The following SPOCK3 variants were observed in gnomAD, a reference collection of about 807,000 sequenced individuals.
SPOCK3 encodes the protein testican-3.
SPOCK3 carries 30 observed loss-of-function variants against 56.6 expected under a neutral mutation model. The ratio of observed to expected loss-of-function variants is 0.53; its 90% CI spans 0.40 to 0.72. The LOEUF (loss-of-function observed/expected upper bound fraction) is 0.72, where lower values mean the gene tolerates loss of function less well. Ranked by LOEUF, SPOCK3 falls within the 30% of genes least tolerant of loss-of-function variation. SPOCK3 has a pLI of 0.00. For synonymous variants in SPOCK3, 196 were observed against 183.3 expected (o/e 1.07, Z -0.56); for missense variants, 527 against 530.0 (o/e 0.99, Z 0.06).
At chr4:166,775,340 T>C (rs750782640) in intron 7 of SPOCK3, among the ~76,000 whole-genome samples, 9 of 152,176 alleles carry the variant, frequency 5.9e-5, no homozygotes, top group Non-Finnish European at 1.0e-4. Context: ...CTGCTTCTTT[T>C]TTCTCAAGGA....
At chr4:167,162,125 A>C (rs72699679) in intron 2 of SPOCK3, among the ~76,000 whole-genome samples, 7,480 of 152,112 alleles carry the variant, frequency 0.049, 217 homozygotes, top group Admixed American at 0.075. Flanking sequence ...ACATTAGGTC[A>C]TACCCTTTTG....
chr4:167,194,022 AT>A (rs1732703912), intron 2 of SPOCK3, among the ~76,000 whole-genome samples: 1 of 152,078 alleles, frequency 6.6e-6, no homozygotes, highest in Admixed American at 6.6e-5. Flanking sequence ...TTGGTATCCG[AT>A]AGGTCCAGTA....
intron 7 of SPOCK3, among the ~76,000 whole-genome samples, chr4:166,767,167 G>T (rs1738205901): frequency 6.6e-6 from 1 of 151,912 alleles, no homozygotes; most frequent in African/African-American, 2.4e-5. Context: ...TTTTTGAAGG[G>T]TTTTTTGTGT....
chr4:167,162,949 G>C (rs1765443953), intron 2 of SPOCK3, among the ~76,000 whole-genome samples: 1 of 151,592 alleles, frequency 6.6e-6, no homozygotes, highest in South Asian at 2.1e-4. Flanking sequence ...TTCATTCTCT[G>C]GGTGGTTAGT....
intron 6 of SPOCK3, among the ~76,000 whole-genome samples, chr4:166,811,329 A>G (rs543979693): frequency 1.3e-5 from 2 of 150,688 alleles, no homozygotes; most frequent in South Asian, 4.2e-4. Context: ...TTTTTTTTAC[A>G]TCTAAAGTTT....
intron 3 of SPOCK3, among the ~76,000 whole-genome samples, chr4:167,017,340 A>T (rs1024071167): frequency 6.6e-6 from 1 of 152,106 alleles, no homozygotes; most frequent in Non-Finnish European, 1.5e-5. Flanking sequence ...TGCTCAGTCA[A>T]AAGGAAATCT....
chr4:167,031,523 G>C (rs1434990429), intron 3 of SPOCK3, among the ~76,000 whole-genome samples: 2 of 151,902 alleles, frequency 1.3e-5, no homozygotes, highest in African/African-American at 4.8e-5. Flanking sequence ...ACAAGAAAAA[G>C]GCACACTGTT....
chr4:166,952,187 T>C (rs915291281), intron 4 of SPOCK3, among the ~76,000 whole-genome samples: 10 of 152,130 alleles, frequency 6.6e-5, no homozygotes, highest in Non-Finnish European at 1.0e-4. Flanking sequence ...GAAATCCCCA[T>C]TGTCTCAGCC....
intron 7 of SPOCK3, among the ~76,000 whole-genome samples, chr4:166,765,536 A>G (rs1314814966): frequency 6.6e-5 from 10 of 152,072 alleles, no homozygotes; most frequent in Non-Finnish European, 1.2e-4. Context: ...GTTCTGTTCC[A>G]TTGGTCTATA....
At chr4:167,095,583 A>G (rs1759082474) in intron 2 of SPOCK3, among the ~76,000 whole-genome samples, 1 of 152,032 alleles carries the variant, frequency 6.6e-6, no homozygotes. Flanking sequence ...AGAGAGAGAA[A>G]GAAGAAGTTA....
At chr4:166,742,902 T>C (rs1735045393) in intron 8 of SPOCK3, among the ~76,000 whole-genome samples, 1 of 152,110 alleles carries the variant, frequency 6.6e-6, no homozygotes, top group Non-Finnish European at 1.5e-5. Flanking sequence ...TCTGCATTTA[T>C]AGATTCAACC....
At chr4:166,746,580 G>C (rs1211104390) in intron 8 of SPOCK3, among the ~76,000 whole-genome samples, 1 of 151,980 alleles carries the variant, frequency 6.6e-6, no homozygotes, top group Admixed American at 6.6e-5. Context: ...AAGAACTAGA[G>C]AGGCAAGAGC....
intron 4 of SPOCK3, among the ~76,000 whole-genome samples, chr4:166,955,635 TATTAA>T (rs1681447769): frequency 6.8e-6 from 1 of 146,562 alleles, no homozygotes; most frequent in Non-Finnish European, 1.5e-5. Context: ...AATTTAATTA[TATTAA>T]ATTTAATTAT....
chr4:166,945,813 G>A (rs1741656842), intron 4 of SPOCK3, among the ~76,000 whole-genome samples: 1 of 152,106 alleles, frequency 6.6e-6, no homozygotes, highest in Non-Finnish European at 1.5e-5. Context: ...GATCACACAG[G>A]TGTAGTTTTC....
chr4:167,205,358 ATATTATATATTTT>A (rs1734057037), intron 2 of SPOCK3, among the ~76,000 whole-genome samples: 1 of 37,762 alleles, frequency 2.6e-5, no homozygotes, highest in Non-Finnish European at 4.1e-5. Flanking sequence ...TATAATATAT[ATATTATATATTTT>A]ATATATATAA....
At chr4:167,178,888 AG>A (rs1260901483) in intron 2 of SPOCK3, among the ~76,000 whole-genome samples, 1 of 152,178 alleles carries the variant, frequency 6.6e-6, no homozygotes, top group Non-Finnish European at 1.5e-5. Flanking sequence ...GTGCTTAAAG[AG>A]AATTGTTTAA....
intron 7 of SPOCK3, 101 bp from the exon 8 acceptor site, chr4:166,754,830 A>ACTATTCATTAGATG: frequency 9.9e-7 from 1 of 1,010,354 alleles, no homozygotes. Flanking sequence ...AGGACATCTA[A>ACTATTCATTAGATG]TGAATAGTTA....
At chr4:167,158,431 C>A (rs1452670136) in intron 2 of SPOCK3, among the ~76,000 whole-genome samples, 1 of 151,966 alleles carries the variant, frequency 6.6e-6, no homozygotes, top group African/African-American at 2.4e-5. Flanking sequence ...GGTGTCATCA[C>A]CAACTTGTCA....
intron 2 of SPOCK3, among the ~76,000 whole-genome samples, chr4:167,088,845 G>A (rs1758448144): frequency 6.6e-6 from 1 of 152,058 alleles, no homozygotes; most frequent in South Asian, 2.1e-4. Context: ...ACCTACATTC[G>A]ATGATGAATC....
Sources: gnomAD v4.1 joint callset for allele counts (sites outside exome capture counted in the v4.1 genomes callset) on GRCh38, gnomAD v4.1.1 for gene constraint, MANE v1.5 for transcripts, NCBI Gene and HGNC (gene_info 2026-07-23, HGNC 2026-07-21) for gene names.